PIK3AP1: variants seen among roughly 807,000 people sequenced by gnomAD.
The protein encoded by PIK3AP1 is phosphoinositide 3-kinase adapter protein 1.
A neutral mutation model predicts 88.1 loss-of-function variants in PIK3AP1; 21 were observed. That is an observed-to-expected ratio of 0.24 (90% CI 0.17 to 0.34). The LOEUF (loss-of-function observed/expected upper bound fraction) is 0.34, where lower values mean the gene tolerates loss of function less well. Among genes scored for constraint, PIK3AP1 ranks in the 10% least tolerant of loss-of-function variants. PIK3AP1 has a pLI of 1.00. For synonymous variants in PIK3AP1, 398 were observed against 400.0 expected (o/e 1.00, Z 0.06); for missense variants, 828 against 1,035.7 (o/e 0.80, Z 2.75).
At chr10:96,606,510 A>G (rs980745093) in intron 14 of PIK3AP1, among the ~76,000 whole-genome samples, 2 of 152,096 alleles carry the variant, frequency 1.3e-5, no homozygotes, top group African/African-American at 4.8e-5. Context: ...TTCAACCCCA[A>G]TGTTTGGCTC....
intron 8 of PIK3AP1, chr10:96,633,079 T>C: frequency 6.4e-7 from 1 of 1,569,762 alleles, no homozygotes; most frequent in Non-Finnish European, 8.6e-7. Context: ...GAGCAATTTC[T>C]CTCATAGCAA....
chr10:96,626,095 C>T (rs941701268), intron 10 of PIK3AP1, among the ~76,000 whole-genome samples: 3 of 151,894 alleles, frequency 2.0e-5, no homozygotes, highest in Non-Finnish European at 4.4e-5. Flanking sequence ...GCAATCGAGT[C>T]GAAAAAATAG....
chr10:96,595,823 A>C (rs746566234), intron 16 of PIK3AP1, among the ~76,000 whole-genome samples, 189 bp from the exon 17 acceptor site: 1 of 152,180 alleles, frequency 6.6e-6, no homozygotes, highest in Non-Finnish European at 1.5e-5. Flanking sequence ...GCACATTAGA[A>C]ACACCAGTGG....
chr10:96,643,382 C>T (rs1843417322), intron 8 of PIK3AP1, among the ~76,000 whole-genome samples: 1 of 152,180 alleles, frequency 6.6e-6, no homozygotes, highest in South Asian at 2.1e-4. Flanking sequence ...CCCCTCTGTG[C>T]CTCTGTTTCC....
At chr10:96,681,306 G>A (rs369928254) in intron 2 of PIK3AP1, among the ~76,000 whole-genome samples, 4 of 152,090 alleles carry the variant, frequency 2.6e-5, no homozygotes, top group East Asian at 3.9e-4. Context: ...AAATCCAGTC[G>A]GGTTCTGAGG....
chr10:96,675,032 A>G (rs1490448549), intron 2 of PIK3AP1, among the ~76,000 whole-genome samples: 2 of 152,216 alleles, frequency 1.3e-5, no homozygotes, highest in Non-Finnish European at 2.9e-5. Flanking sequence ...AGATGGGATT[A>G]CAGGCATGTG....
At position 96,628,451 on chromosome 10, in the gene PIK3AP1, C is replaced by T. The variant is rs1466838851; in HGVS notation, c.1418G>A (p.Gly473Glu). The change falls in exon 9 of 17, where the codon GGA (glycine) becomes GAA (glutamate). Residue 473 changes from glycine to glutamate, a missense_variant. This residue lies in a region of PIK3AP1 where 610 missense variants were observed against 760.1 expected (regional missense o/e 0.80). Transcript: ENST00000339364. The part of the protein sequence containing the change: ...LQASTSNPIP[G>E]DGFSRATKDS... ...CTTAGTGGCCCGAGAGAAACCATCT[C>T]CAGGGATTGGGTTAGATGTACTGGC... 3.1e-6 allele frequency: 5 copies of T among 1,613,534 alleles called. No homozygotes were observed. The highest frequency in any genetic ancestry group is 2.7e-5 in the African/African-American group (2 of 74,884).
intron 16 of PIK3AP1, among the ~76,000 whole-genome samples, chr10:96,596,341 C>T (rs114526585): frequency 1.5e-3 from 222 of 152,344 alleles, no homozygotes; most frequent in African/African-American, 5.3e-3. Context: ...TTCCCCTGCT[C>T]CTCTGCCTCC....
At chr10:96,627,291 T>C (rs1843167166) in intron 9 of PIK3AP1, among the ~76,000 whole-genome samples, 1 of 152,218 alleles carries the variant, frequency 6.6e-6, no homozygotes, top group South Asian at 2.1e-4. Context: ...ACTTCTTATC[T>C]AGGGCTTGAA....
chr10:96,629,213 T>C (rs1843204150), intron 8 of PIK3AP1, among the ~76,000 whole-genome samples: 1 of 152,142 alleles, frequency 6.6e-6, no homozygotes, highest in Non-Finnish European at 1.5e-5. Flanking sequence ...CATGGTATGA[T>C]ATTGTTTATA....
rs376152605 is a variant in PIK3AP1 at position 96,603,983 on chromosome 10, T to G, written c.2237A>C (p.Asn746Thr). 17 of 1,604,052 alleles carry G rather than the reference T, an allele frequency of 1.1e-5. No individual in the cohort carries two copies. Among genetic ancestry groups the G allele is most frequent in the Non-Finnish European group, 1.4e-5 (17 of 1,174,382 alleles). Residue 746 changes from asparagine (N) to threonine (T), a missense_variant, in exon 15 of 17, where the codon AAC becomes ACC. Physicochemically the swap from Asn to Thr is moderately conservative, Grantham distance 65. Around this residue, in one of 3 missense-constraint regions of PIK3AP1, gnomAD observed 191 missense variants for 208.6 expected, o/e 0.92. Coordinates refer to ENST00000339364, the MANE Select transcript of PIK3AP1 (RefSeq NM_152309.3). The part of the protein sequence containing the change: ...LSVSSGMEGD[N>T]EDNEVPEVTR... ...GGGTGGAGTCCCAGCTCTCACCTCG[T>G]TGTCCCCTTCCATCCCGCTGCTCAC...
At chr10:96,651,999 A>C (rs1843545148) in intron 4 of PIK3AP1, among the ~76,000 whole-genome samples, 1 of 152,194 alleles carries the variant, frequency 6.6e-6, no homozygotes, top group African/African-American at 2.4e-5. Context: ...GTGGTCACAG[A>C]AGGAGGGAAA....
At chr10:96,628,875 C>CACACACACAT (rs1564961141) in intron 8 of PIK3AP1, among the ~76,000 whole-genome samples, 6 of 90,908 alleles carry the variant, frequency 6.6e-5, no homozygotes, top group Non-Finnish European at 8.8e-5. Flanking sequence ...CATATATACA[C>CACACACACAT]ATATATATAT....
chr10:96,617,240 G>T (rs181039296), intron 12 of PIK3AP1, among the ~76,000 whole-genome samples: 1 of 152,338 alleles, frequency 6.6e-6, no homozygotes, highest in East Asian at 1.9e-4. Flanking sequence ...AGACCACGTC[G>T]TGTACCTTTC....
chr10:96,623,890 C>T (rs1226118192), intron 10 of PIK3AP1, among the ~76,000 whole-genome samples: 3 of 152,176 alleles, frequency 2.0e-5, no homozygotes, highest in Non-Finnish European at 4.4e-5. Context: ...CTTAAAATGC[C>T]AGCTAGTGCC....
intron 8 of PIK3AP1, among the ~76,000 whole-genome samples, chr10:96,632,030 G>A (rs571591064): frequency 1.1e-4 from 17 of 152,024 alleles, no homozygotes; most frequent in South Asian, 6.2e-4. Flanking sequence ...CATAACCTCA[G>A]CCCAATTATA....
intron 3 of PIK3AP1, 39 bp downstream of exon 3, chr10:96,656,759 G>C: frequency 6.2e-7 from 1 of 1,609,334 alleles, no homozygotes; most frequent in South Asian, 1.1e-5. Flanking sequence ...AAAAGCCCAA[G>C]TGCTGACATC....
At chr10:96,714,661 A>T (rs2134296055) in intron 1 of PIK3AP1, among the ~76,000 whole-genome samples, 1 of 152,384 alleles carries the variant, frequency 6.6e-6, no homozygotes, top group South Asian at 2.1e-4. Context: ...AGCCTGGAGC[A>T]TCTTGTAGTG....
At chr10:96,634,839 C>T (rs572081778) in intron 8 of PIK3AP1, among the ~76,000 whole-genome samples, 1 of 152,236 alleles carries the variant, frequency 6.6e-6, no homozygotes, top group South Asian at 2.1e-4. Context: ...AAGGTTTTGT[C>T]AGGGCTGCAT....
Sources: gnomAD v4.1 joint callset for allele counts (sites outside exome capture counted in the v4.1 genomes callset) on GRCh38, gnomAD v4.1.1 for gene constraint, gnomAD v4.1.1 regional missense constraint, MANE v1.5 for transcripts, NCBI Gene and HGNC (gene_info 2026-07-23, HGNC 2026-07-21) for gene names.